GRIN2A: variants seen among roughly 807,000 people sequenced by gnomAD.
The protein encoded by GRIN2A is glutamate receptor ionotropic, NMDA 2A.
A neutral mutation model predicts 113.4 loss-of-function variants in GRIN2A; 22 were observed. That is an observed-to-expected ratio of 0.19 (90% CI 0.14 to 0.28). The LOEUF is 0.28. GRIN2A is among the 10% of genes least tolerant of loss of function. GRIN2A has a pLI of 1.00. For missense variants in GRIN2A, 1,502 were observed against 1,887.0 expected, an observed-to-expected ratio of 0.80 and a Z score of 3.78; for synonymous variants, 827 against 738.4, an observed-to-expected ratio of 1.12 and a Z score of -1.94.
chr16:9,788,703 T>G (rs1003230021), intron 11 of GRIN2A, among the ~76,000 whole-genome samples: 2 of 151,550 alleles, frequency 1.3e-5, no homozygotes, highest in African/African-American at 4.8e-5. Flanking sequence ...ATCTTCTCCC[T>G]TCTCTTAGGA....
intron 2 of GRIN2A, among the ~76,000 whole-genome samples, chr16:10,039,106 C>A (rs12448791): frequency 3.3e-5 from 5 of 151,934 alleles, no homozygotes; most frequent in African/African-American, 1.2e-4. Flanking sequence ...AGTGCCCGCC[C>A]GGCAGGGAGC....
chr16:10,043,994 T>C (rs2141966788), intron 2 of GRIN2A, among the ~76,000 whole-genome samples: 1 of 87,620 alleles, frequency 1.1e-5, no homozygotes, highest in African/African-American at 4.8e-5. Context: ...CACATACGTG[T>C]GTGTGTGTGT....
chr16:9,897,591 T>C (rs1419019422), intron 3 of GRIN2A, among the ~76,000 whole-genome samples: 2 of 152,208 alleles, frequency 1.3e-5, no homozygotes, highest in African/African-American at 4.8e-5. Context: ...TTCGTATTTT[T>C]CAAAAGAGTA....
intron 2 of GRIN2A, among the ~76,000 whole-genome samples, chr16:10,166,118 A>G (rs2049916767): frequency 6.6e-6 from 1 of 152,162 alleles, no homozygotes; most frequent in African/African-American, 2.4e-5. Context: ...TCGCCAGGAA[A>G]ATATGTCTTT....
intron 2 of GRIN2A, among the ~76,000 whole-genome samples, chr16:9,993,433 G>A (rs2046164270): frequency 6.6e-6 from 1 of 151,990 alleles, no homozygotes; most frequent in Admixed American, 6.6e-5. Flanking sequence ...GCCTGCACCT[G>A]TAATCCTACC....
intron 2 of GRIN2A, among the ~76,000 whole-genome samples, chr16:9,988,542 A>C (rs200334365): frequency 6.7e-6 from 1 of 148,718 alleles, no homozygotes; most frequent in Admixed American, 6.7e-5. Flanking sequence ...GTACCAATTA[A>C]TCTCTCTCTC....
chr16:9,937,556 G>A (rs1012000832), intron 3 of GRIN2A, among the ~76,000 whole-genome samples: 3 of 152,048 alleles, frequency 2.0e-5, no homozygotes, highest in East Asian at 1.9e-4. Flanking sequence ...TATGCAGACT[G>A]GATAACTAAA....
At chr16:10,042,093 A>G (rs1414280591) in intron 2 of GRIN2A, among the ~76,000 whole-genome samples, 1 of 152,134 alleles carries the variant, frequency 6.6e-6, no homozygotes, top group African/African-American at 2.4e-5. Context: ...GGTGGCTCCA[A>G]AAAAAGCACT....
intron 2 of GRIN2A, among the ~76,000 whole-genome samples, chr16:9,983,047 A>G (rs1213323): frequency 0.73 from 111,706 of 152,072 alleles, 41,162 homozygotes; most frequent in Middle Eastern, 0.84. Flanking sequence ...ATACATGTAT[A>G]CAATGTGTAA....
At position 9,765,229 on chromosome 16, in the gene GRIN2A, T is replaced by C. The variant is rs148657716; in HGVS notation, c.2596-281A>G. 7.4e-3 allele frequency among the ~76,000 whole-genome samples: 1,125 copies of C among 152,314 alleles called. 15 individuals are homozygous for C. The highest frequency in any genetic ancestry group is 0.049 in the South Asian group (235 of 4,818). ...AGGTATCAACCGATGCTCATACAACTGTCAATGCCTCAGTGTCTCCAAAGT... is the reference window on the plus strand; with the variant it reads ...AGGTATCAACCGATGCTCATACAACCGTCAATGCCTCAGTGTCTCCAAAGT... On this transcript the variant is annotated intron_variant, in intron 12 of 12. Coordinates refer to ENST00000330684, the MANE Select transcript of GRIN2A (RefSeq NM_001134407.3).
intron 2 of GRIN2A, among the ~76,000 whole-genome samples, chr16:9,970,589 T>A (rs1193223333): frequency 1.3e-5 from 2 of 151,398 alleles, no homozygotes; most frequent in Non-Finnish European, 2.9e-5. Flanking sequence ...AGAGGGGAAA[T>A]AAATCTGGAA....
At chr16:10,088,629 T>G (rs2048126940) in intron 2 of GRIN2A, among the ~76,000 whole-genome samples, 1 of 152,240 alleles carries the variant, frequency 6.6e-6, no homozygotes, top group South Asian at 2.1e-4. Flanking sequence ...CAAAGAAATG[T>G]TTCCTCCCTA....
intron 2 of GRIN2A, among the ~76,000 whole-genome samples, chr16:10,011,964 G>A (rs193277819): frequency 6.6e-6 from 1 of 152,292 alleles, no homozygotes; most frequent in Admixed American, 6.5e-5. Context: ...CCATAGCATA[G>A]ATAAGAGGTC....
rs538349596 is a variant in GRIN2A at position 9,963,530 on chromosome 16, T to G, written c.415-24979A>C. On this transcript the variant is annotated intron_variant, in intron 2 of 12. Coordinates refer to ENST00000330684, the MANE Select transcript of GRIN2A (RefSeq NM_001134407.3). ...TCCACTTATGAGTGAAAACATGTGG[T>G]GTTAAACAATTTTTTAAAAAATGTT... Among the ~76,000 whole-genome samples the G allele has an allele frequency of 1.2e-3, 176 of 152,190 alleles. 1 individual carries two copies. Among genetic ancestry groups the G allele is most frequent in the African/African-American group, 3.8e-3 (159 of 41,558 alleles).
chr16:9,883,396 C>A (rs1479587730), intron 4 of GRIN2A, among the ~76,000 whole-genome samples: 1 of 152,174 alleles, frequency 6.6e-6, no homozygotes, highest in Non-Finnish European at 1.5e-5. Context: ...GATGAATAGG[C>A]AAGCAAACAA....
intron 5 of GRIN2A, among the ~76,000 whole-genome samples, chr16:9,842,735 G>T (rs1003930670): frequency 6.6e-6 from 1 of 152,108 alleles, no homozygotes; most frequent in Non-Finnish European, 1.5e-5. Context: ...TTGGGAGTTT[G>T]AGACCAGCCT....
intron 2 of GRIN2A, among the ~76,000 whole-genome samples, chr16:10,046,021 C>T (rs746629383): frequency 1.1e-4 from 17 of 152,320 alleles, no homozygotes; most frequent in East Asian, 7.7e-4. Context: ...CCAAAAATAT[C>T]GCCAGACTAT....
chr16:9,791,351 TA>T (rs944276852), intron 11 of GRIN2A, among the ~76,000 whole-genome samples: 9 of 150,460 alleles, frequency 6.0e-5, no homozygotes, highest in Non-Finnish European at 1.0e-4. Context: ...CACACTTATC[TA>T]AAAAAAAAAT....
intron 2 of GRIN2A, among the ~76,000 whole-genome samples, chr16:10,007,049 T>C (rs1292850836): frequency 6.6e-6 from 1 of 152,236 alleles, no homozygotes; most frequent in East Asian, 1.9e-4. Flanking sequence ...AACACTTAGG[T>C]TGCTTCCAAA....
Sources: gnomAD v4.1 joint callset for allele counts (sites outside exome capture counted in the v4.1 genomes callset) on GRCh38, gnomAD v4.1.1 for gene constraint, MANE v1.5 for transcripts, NCBI Gene and HGNC (gene_info 2026-07-23, HGNC 2026-07-21) for gene names.